Variants in PLAGL1 observed in about 807,000 individuals in gnomAD.
The protein encoded by PLAGL1 is PLAG1 like zinc finger 1.
Under a neutral mutation model 4.6 loss-of-function variants are expected in PLAGL1, and 1 was observed. That is an observed-to-expected ratio of 0.22 (90% CI 0.08 to 1.03). The LOEUF (loss-of-function observed/expected upper bound fraction) is 1.03. Among genes scored for constraint, PLAGL1 ranks in the 50% least tolerant of loss-of-function variants. PLAGL1 has a pLI of 0.58. For synonymous variants in PLAGL1, 240 were observed against 237.8 expected, an observed-to-expected ratio of 1.01 and a Z score of -0.08; for missense variants, 464 against 570.4, an observed-to-expected ratio of 0.81 and a Z score of 1.90.
chr6:144,020,274 C>CTTGT (rs111353071), intron 1 of PLAGL1, among the ~76,000 whole-genome samples: 4,632 of 151,686 alleles, frequency 0.031, 120 homozygotes, highest in African/African-American at 0.073. Flanking sequence ...TGGACACTTC[C>CTTGT]TTGTTTGTTT....
rs1308700395 is a variant in PLAGL1 at position 143,989,500 on chromosome 6, G to T, written c.-583-4326C>A. On this transcript the variant is annotated intron_variant, in intron 1 of 7. Transcript: ENST00000674357. This position sits in a 1 kb window ranked among gnomAD's most constrained non-coding sequence, Gnocchi z 4.8. ...AATTCACCCCCTTTTCTTCCTGCCT[G>T]CCTGAGCTGGGACATCAGTCTCCTC... is the stretch of plus-strand genomic sequence containing the variant. Among the ~76,000 whole-genome samples, 2 of 152,156 alleles carry T rather than the reference G, an allele frequency of 1.3e-5. No homozygotes were observed. Among genetic ancestry groups the T allele is most frequent in the Non-Finnish European group, 2.9e-5 (2 of 68,030 alleles).
At position 144,053,548 on chromosome 6, in the gene PLAGL1, T is replaced by G. The variant is rs1464220364; in HGVS notation, c.-151+10920A>C. ...CTTAACATGATTTATCATGAAACTATTCAATAACTGTGCAAAATACTATTT... is the reference window on the plus strand; with the variant it reads ...CTTAACATGATTTATCATGAAACTAGTCAATAACTGTGCAAAATACTATTT... On this transcript the variant is annotated intron_variant, in intron 1 of 3. Transcript: ENST00000437412. The surrounding 1 kb of genome is among the most constrained non-coding windows in gnomAD (Gnocchi z 4.0). Among the ~76,000 whole-genome samples the G allele has an allele frequency of 2.6e-5, 4 of 152,184 alleles. No individual in the cohort carries two copies. Among genetic ancestry groups the G allele is most frequent in the Non-Finnish European group, 2.9e-5 (2 of 68,030 alleles).
chr6:144,021,692 C>G (rs1471649395), intron 1 of PLAGL1, among the ~76,000 whole-genome samples: 1 of 152,170 alleles, frequency 6.6e-6, no homozygotes, highest in African/African-American at 2.4e-5. Context: ...TTATTTCATT[C>G]TGGAAGGCCA....
rs1784112897 is a variant in PLAGL1 at position 143,964,847 on chromosome 6, CT to C, written c.-430-30del. 6.6e-6 allele frequency: 1 copy of C among 152,218 alleles called. No individual in the cohort carries two copies. The highest frequency in any genetic ancestry group is 1.5e-5 in the Non-Finnish European group (1 of 68,062). The allele number at this position is 152,218 out of a possible 1,614,324, so 9.4% of individuals were successfully genotyped here. A position where few individuals can be genotyped will look rare whatever the true frequency, so the allele number is the denominator to read the frequency against. On this transcript the variant is annotated intron_variant, in intron 4 of 7. Coordinates refer to ENST00000674357, the MANE Select transcript of PLAGL1 (RefSeq NM_001317162.2). The surrounding 1 kb of genome is among the most constrained non-coding windows in gnomAD (Gnocchi z 4.3). ...GAAAGGGAGAGACACACAAAGTTAT[CT>C]TTAAGGTCTTTATCTTGAGCTCTGA...
rs1396992331 is a variant in PLAGL1, at chr6:143,947,858, G to A, written c.152+127C>T. On this transcript the variant is annotated intron_variant, in intron 7 of 7. Transcript: ENST00000674357. This position sits in a 1 kb window ranked among gnomAD's most constrained non-coding sequence, Gnocchi z 4.3. ...AGGAATCACTGGATGCAGATTTCAA[G>A]AATCCCTCAAAGGCTAAAATGCATC... 3 of 692,014 alleles carry A rather than the reference G, an allele frequency of 4.3e-6. No homozygotes were observed. Among genetic ancestry groups the A allele is most frequent in the Non-Finnish European group, 7.3e-6 (3 of 412,310 alleles). The allele number at this position is 692,014 out of a possible 1,614,324, so 42.9% of individuals were successfully genotyped here.
At position 143,979,644 on chromosome 6, in the gene PLAGL1, T is replaced by C. The variant is rs1173679100; in HGVS notation, c.-544+5491A>G. On this transcript the variant is annotated intron_variant, in intron 2 of 7. Transcript: ENST00000674357. The surrounding 1 kb of genome is among the most constrained non-coding windows in gnomAD (Gnocchi z 4.6). Reference sequence around the variant, plus strand: ...ACCTTTGTGCAATTATTGTTGTAACTTTTGCTTTTATATGTTATATACCCC... The same window carrying C: ...ACCTTTGTGCAATTATTGTTGTAACCTTTGCTTTTATATGTTATATACCCC... Among the ~76,000 whole-genome samples, 1 of 152,092 alleles carries C rather than the reference T, an allele frequency of 6.6e-6. No individual in the cohort carries two copies. Among genetic ancestry groups the C allele is most frequent in the Non-Finnish European group, 1.5e-5 (1 of 67,948 alleles).
chr6:143,942,451 C>T lies in PLAGL1; in HGVS notation c.365G>A (p.Cys122Tyr). The T allele has an allele frequency of 6.2e-7, 1 of 1,614,156 alleles. No homozygotes were observed. Among genetic ancestry groups the T allele is most frequent in the Non-Finnish European group, 8.5e-7 (1 of 1,180,010 alleles). Residue 122 changes from cysteine to tyrosine, a missense_variant, in exon 8 of 8, where the codon TGT becomes TAT. Cys to Tyr is a radical substitution (Grantham distance 194). Around this residue, in one of 4 missense-constraint regions of PLAGL1, gnomAD observed 161 missense variants for 196.7 expected, o/e 0.82. Transcript: ENST00000674357. This position sits in a 1 kb window ranked among gnomAD's most constrained non-coding sequence, Gnocchi z 7.6. Reference sequence around the variant, plus strand: ...CCCTAGCTCCAGGGCACAGACCCCACAGGTGAGGTCCCCACTGCTGGCCGC... The same window carrying T: ...CCCTAGCTCCAGGGCACAGACCCCATAGGTGAGGTCCCCACTGCTGGCCGC... ...LHAASSGDLT[C>Y]GVCALELGST...
intron 7 of PLAGL1, among the ~76,000 whole-genome samples, chr6:143,946,856 G>A (rs1779909252): frequency 6.6e-6 from 1 of 152,214 alleles, no homozygotes; most frequent in Non-Finnish European, 1.5e-5. Context: ...CAGCACGTGT[G>A]AGTGGACGCA....
rs919852795 is a variant in PLAGL1, at chr6:143,964,737, A to C, written c.-399+50T>G. 3.3e-5 allele frequency: 5 copies of C among 152,306 alleles called. No homozygotes were observed. Among genetic ancestry groups the C allele is most frequent in the African/African-American group, 1.2e-4 (5 of 41,454 alleles). 9.4% of individuals were successfully genotyped at this position (152,306 alleles called of 1,614,324 possible). A position where few individuals can be genotyped will look rare whatever the true frequency, so the allele number is the denominator to read the frequency against. ...GGCTTATGCTTTAAACCCCTGAGGC[A>C]GATAGAGAAGGAAGGAAGGAAACAA... On this transcript the variant is annotated intron_variant, in intron 5 of 7. Transcript: ENST00000674357. The surrounding 1 kb of genome is among the most constrained non-coding windows in gnomAD (Gnocchi z 4.3).
intron 1 of PLAGL1, among the ~76,000 whole-genome samples, chr6:143,991,534 G>A (rs899159809): frequency 2.0e-5 from 3 of 152,154 alleles, no homozygotes; most frequent in Admixed American, 6.5e-5. Context: ...GGTTTTCTAG[G>A]TATTCAGACA....
intron 1 of PLAGL1, among the ~76,000 whole-genome samples, chr6:144,052,613 G>A (rs1165880007): frequency 6.6e-6 from 1 of 152,152 alleles, no homozygotes; most frequent in Non-Finnish European, 1.5e-5. Context: ...CAAACAGGAT[G>A]TCAAACAAAT....
At chr6:144,043,212 TTG>T (rs1797872895) in intron 1 of PLAGL1, among the ~76,000 whole-genome samples, 1 of 152,238 alleles carries the variant, frequency 6.6e-6, no homozygotes, top group African/African-American at 2.4e-5. Context: ...CAACACTATG[TTG>T]AATTGAAGTG....
intron 1 of PLAGL1, among the ~76,000 whole-genome samples, chr6:144,047,896 T>C (rs1472559159): frequency 6.6e-6 from 1 of 151,878 alleles, no homozygotes; most frequent in African/African-American, 2.4e-5. Context: ...CCAAAGTCTC[T>C]TCTGAGACAA....
rs1272808077 is a variant in PLAGL1, at chr6:143,963,606, A to G, written c.-399+1181T>C. On this transcript the variant is annotated intron_variant, in intron 5 of 7. Transcript: ENST00000674357. The surrounding 1 kb of genome is among the most constrained non-coding windows in gnomAD (Gnocchi z 6.1). ...TTTGCCCATGATCCTACAGCCAGCA[A>G]GCAGTTAAGCTTGCTGTAGAATCCA... 6.6e-6 allele frequency among the ~76,000 whole-genome samples: 1 copy of G among 152,250 alleles called. No individual in the cohort carries two copies. The highest frequency in any genetic ancestry group is 1.9e-4 in the East Asian group (1 of 5,200).
chr6:143,944,956 G>C (rs2328534), intron 7 of PLAGL1, among the ~76,000 whole-genome samples: 130,431 of 151,872 alleles, frequency 0.86, 56,301 homozygotes, highest in East Asian at 1. Flanking sequence ...TATTTCCTAC[G>C]CACTCTTTCC....
At chr6:144,018,057 C>G (rs1795687261) in intron 1 of PLAGL1, among the ~76,000 whole-genome samples, 1 of 151,988 alleles carries the variant, frequency 6.6e-6, no homozygotes, top group Non-Finnish European at 1.5e-5. Context: ...TGAATGAGCA[C>G]AGAAGGAATA....
At position 143,994,885 on chromosome 6, in the gene PLAGL1, A is replaced by G. The variant is rs1215434022; in HGVS notation, c.-583-9711T>C. 2.6e-5 allele frequency among the ~76,000 whole-genome samples: 4 copies of G among 152,218 alleles called. No homozygotes were observed. Among genetic ancestry groups the G allele is most frequent in the African/African-American group, 7.2e-5 (3 of 41,462 alleles). On this transcript the variant is annotated intron_variant, in intron 1 of 7. Coordinates refer to ENST00000674357, the MANE Select transcript of PLAGL1 (RefSeq NM_001317162.2). This position sits in a 1 kb window ranked among gnomAD's most constrained non-coding sequence, Gnocchi z 4.3. ...ATGTGTTTGCTCTTAGCAAATTTGCATTAATTTCAGATTTTCTGAACTCAC... is the reference window on the plus strand; with the variant it reads ...ATGTGTTTGCTCTTAGCAAATTTGCGTTAATTTCAGATTTTCTGAACTCAC...
At chr6:144,047,584 A>G (rs1798258230) in intron 1 of PLAGL1, among the ~76,000 whole-genome samples, 1 of 152,168 alleles carries the variant, frequency 6.6e-6, no homozygotes, top group Non-Finnish European at 1.5e-5. Flanking sequence ...AGAGCAGGGA[A>G]AATTCCCTTA....
At chr6:143,992,226 T>C (rs1041939637) in intron 1 of PLAGL1, among the ~76,000 whole-genome samples, 1 of 152,212 alleles carries the variant, frequency 6.6e-6, no homozygotes. Context: ...AGTTGATTAC[T>C]GAGGAAAAAC....
Sources: allele counts gnomAD v4.1 joint callset (sites outside exome capture counted in the v4.1 genomes callset), GRCh38; gene constraint gnomAD v4.1.1; regional missense constraint gnomAD v4.1.1; non-coding constraint Gnocchi (gnomAD v3.1); transcripts MANE v1.5; gene names NCBI Gene and HGNC (gene_info 2026-07-23, HGNC 2026-07-21).